Variants in SLC25A21 observed in about 807,000 individuals in gnomAD.
SLC25A21 encodes mitochondrial 2-oxodicarboxylate carrier.
In SLC25A21, 47 loss-of-function variants were observed where a neutral mutation model predicts 43.8. The observed-to-expected ratio is 1.07, with a 90% CI of 0.85 to 1.37. The LOEUF is 1.37. Ranked by LOEUF, SLC25A21 falls within the 40% of genes most tolerant of loss-of-function variation. The probability of loss-of-function intolerance (pLI) is 0.00; values close to 1 mark genes in which losing one functional copy is unlikely to be tolerated. For missense variants in SLC25A21, 352 were observed against 350.2 expected, an observed-to-expected ratio of 1.00 and a Z score of -0.04; for synonymous variants, 131 against 121.3, an observed-to-expected ratio of 1.08 and a Z score of -0.52.
At chr14:36,946,955 T>G (rs1892692841) in intron 1 of SLC25A21, among the ~76,000 whole-genome samples, 1 of 152,208 alleles carries the variant, frequency 6.6e-6, no homozygotes, top group African/African-American at 2.4e-5. Context: ...GGACACTATT[T>G]ATCTTTAGTA....
chr14:36,874,403 TTA>T (rs1890458892), intron 2 of SLC25A21, among the ~76,000 whole-genome samples: 1 of 152,226 alleles, frequency 6.6e-6, no homozygotes, highest in African/African-American at 2.4e-5. Context: ...CAAAGTTTTG[TTA>T]TTTTTCTTTT....
chr14:36,898,619 C>T (rs573696692), intron 1 of SLC25A21, among the ~76,000 whole-genome samples: 4 of 152,248 alleles, frequency 2.6e-5, no homozygotes, highest in South Asian at 2.1e-4. Context: ...CTGTCTTCTG[C>T]GTCGCTCATG....
chr14:36,971,301 C>T (rs1443570075), intron 1 of SLC25A21, among the ~76,000 whole-genome samples: 1 of 152,160 alleles, frequency 6.6e-6, no homozygotes, highest in Non-Finnish European at 1.5e-5. Context: ...AAGCTAGAAG[C>T]TTGCACAGGT....
intron 1 of SLC25A21, among the ~76,000 whole-genome samples, chr14:37,089,653 G>A (rs569212244): frequency 2.0e-5 from 3 of 152,238 alleles, no homozygotes; most frequent in East Asian, 3.9e-4. Context: ...GTAAGGCCAC[G>A]GATCTTTTGT....
chr14:36,750,282 T>C (rs994440484), intron 3 of SLC25A21, among the ~76,000 whole-genome samples: 5 of 152,186 alleles, frequency 3.3e-5, no homozygotes. Context: ...TGAACAAATG[T>C]AGACTTCAAT....
intron 2 of SLC25A21, among the ~76,000 whole-genome samples, chr14:36,861,635 GGATAAA>G (rs1208229444): frequency 2.0e-5 from 3 of 152,126 alleles, no homozygotes; most frequent in Admixed American, 6.5e-5. Flanking sequence ...CAAACACTCT[GGATAAA>G]GATAATTTTA....
intron 1 of SLC25A21, among the ~76,000 whole-genome samples, chr14:37,038,116 G>A (rs1961369021): frequency 6.6e-6 from 1 of 152,140 alleles, no homozygotes; most frequent in African/African-American, 2.4e-5. Context: ...CAAGACAAAT[G>A]ACCACCTTAC....
At chr14:37,038,347 A>C (rs1227394783) in intron 1 of SLC25A21, among the ~76,000 whole-genome samples, 2 of 152,122 alleles carry the variant, frequency 1.3e-5, no homozygotes, top group African/African-American at 4.8e-5. Flanking sequence ...ACTTTTGAAA[A>C]ATTTGTCTTT....
intron 1 of SLC25A21, among the ~76,000 whole-genome samples, chr14:36,897,616 T>G (rs144782717): frequency 5.1e-4 from 78 of 152,298 alleles, no homozygotes; most frequent in African/African-American, 1.8e-3. Flanking sequence ...GGTGCTCTGA[T>G]TTTTAGAGTT....
chr14:37,150,400 A>C (rs1217395728), intron 1 of SLC25A21, among the ~76,000 whole-genome samples: 2 of 152,178 alleles, frequency 1.3e-5, no homozygotes, highest in African/African-American at 4.8e-5. Flanking sequence ...ACAAATAAAA[A>C]CAGTTTCTTC....
At chr14:37,104,252 C>G (rs1962871588) in intron 1 of SLC25A21, among the ~76,000 whole-genome samples, 1 of 152,180 alleles carries the variant, frequency 6.6e-6, no homozygotes, top group South Asian at 2.1e-4. Context: ...TTGTTCACCC[C>G]TTCCATGTGA....
chr14:36,880,998 A>G (rs1456654108), intron 1 of SLC25A21, among the ~76,000 whole-genome samples: 1 of 152,206 alleles, frequency 6.6e-6, no homozygotes, highest in Non-Finnish European at 1.5e-5. Flanking sequence ...ACATTGAGAA[A>G]GGCTTTACAT....
chr14:36,876,834 T>G (rs1890541341), intron 1 of SLC25A21, among the ~76,000 whole-genome samples: 1 of 151,060 alleles, frequency 6.6e-6, no homozygotes, highest in African/African-American at 2.4e-5. Flanking sequence ...ATGAAATATG[T>G]ATATATATGA....
chr14:36,838,182 G>C (rs527694476), intron 2 of SLC25A21, among the ~76,000 whole-genome samples: 1 of 152,340 alleles, frequency 6.6e-6, no homozygotes, highest in African/African-American at 2.4e-5. Context: ...ACGGCTGCCA[G>C]GGCCTCACTC....
intron 5 of SLC25A21, among the ~76,000 whole-genome samples, chr14:36,728,793 AT>A (rs1289816675): frequency 6.6e-6 from 1 of 152,276 alleles, no homozygotes; most frequent in African/African-American, 2.4e-5. Context: ...GCCAATGCAG[AT>A]TTTGTTTTGC....
At chr14:36,900,104 C>G (rs900980033) in intron 1 of SLC25A21, among the ~76,000 whole-genome samples, 1 of 151,996 alleles carries the variant, frequency 6.6e-6, no homozygotes, top group Middle Eastern at 3.4e-3. Flanking sequence ...TTCTCACATG[C>G]CCTCATCTGT....
chr14:37,085,264 C>T (rs1962462728), intron 1 of SLC25A21, among the ~76,000 whole-genome samples: 1 of 152,094 alleles, frequency 6.6e-6, no homozygotes, highest in Non-Finnish European at 1.5e-5. Context: ...CAGTTTTTGC[C>T]CCATTCCCCA....
At chr14:36,907,305 G>A (rs1363535634) in intron 1 of SLC25A21, among the ~76,000 whole-genome samples, 1 of 152,116 alleles carries the variant, frequency 6.6e-6, no homozygotes, top group Non-Finnish European at 1.5e-5. Context: ...AATCTGAGAA[G>A]AGGCTATGAA....
intron 2 of SLC25A21, among the ~76,000 whole-genome samples, chr14:36,823,356 T>C (rs1566648921): frequency 6.6e-6 from 1 of 152,348 alleles, no homozygotes; most frequent in East Asian, 1.9e-4. Context: ...TATTTTGCTT[T>C]GTAAAATACA....
Sources: gnomAD v4.1 joint callset for allele counts (sites outside exome capture counted in the v4.1 genomes callset) on GRCh38, gnomAD v4.1.1 for gene constraint, MANE v1.5 for transcripts, NCBI Gene and HGNC (gene_info 2026-07-23, HGNC 2026-07-21) for gene names.